CENPU: variants seen among roughly 807,000 people sequenced by gnomAD.
The protein encoded by CENPU is centromere protein U.
CENPU carries 46 observed loss-of-function variants against 56.7 expected under a neutral mutation model. The observed-to-expected ratio is 0.81, with a 90% CI of 0.64 to 1.04. The LOEUF (loss-of-function observed/expected upper bound fraction) is 1.04, where lower values mean the gene tolerates loss of function less well. Ranked by LOEUF, CENPU falls within the 50% of genes least tolerant of loss-of-function variation. CENPU has a pLI of 0.00. For synonymous variants in CENPU, 166 were observed against 163.0 expected (o/e 1.02, Z -0.14); for missense variants, 510 against 490.1 (o/e 1.04, Z -0.38).
rs1426310127 is a variant in CENPU, at chr4:184,694,793, A to T, written c.*495T>A. ...TTACAAGAGTAACTAATTCACTATGAACACTTTTGTCACCAGGCTATAATT... is the reference window on the plus strand; with the variant it reads ...TTACAAGAGTAACTAATTCACTATGTACACTTTTGTCACCAGGCTATAATT... On this transcript the variant is annotated 3_prime_UTR_variant, in exon 13 of 13. Coordinates refer to ENST00000281453, the MANE Select transcript of CENPU (RefSeq NM_024629.4). The T allele has an allele frequency of 1.6e-5, 25 of 1,593,106 alleles. No homozygotes were observed. Among genetic ancestry groups the T allele is most frequent in the Non-Finnish European group, 2.1e-5 (25 of 1,162,810 alleles).
chr4:184,715,941 T>TGA (rs1450747545), intron 6 of CENPU, among the ~76,000 whole-genome samples: 6,339 of 151,274 alleles, frequency 0.042, 437 homozygotes, highest in African/African-American at 0.14. Flanking sequence ...TTTTTTGTTT[T>TGA]TTTTTTTTTA....
At position 184,710,086 on chromosome 4, in the gene CENPU, G is replaced by A. The variant is rs2150211586; in HGVS notation, c.783C>T (p.Thr261=). ...LNIVLPEFEK[T]HLEHQQRIES... is the part of the protein sequence containing the mutation. Reference sequence around the variant, plus strand: ...AAAAGACTTACTGATGCTCTAGGTGGGTTTTCTCAAATTCAGGCAAAACAA... The same window carrying A: ...AAAAGACTTACTGATGCTCTAGGTGAGTTTTCTCAAATTCAGGCAAAACAA... The change falls in exon 8 of 13, where the codon ACC becomes ACT. Residue 261 remains threonine (T), a synonymous_variant. Coordinates refer to ENST00000281453, the MANE Select transcript of CENPU (RefSeq NM_024629.4). 6.2e-7 allele frequency: 1 copy of A among 1,603,624 alleles called. No individual in the cohort carries two copies. The highest frequency in any genetic ancestry group is 8.5e-7 in the Non-Finnish European group (1 of 1,171,784).
At chr4:184,700,326 C>G (rs1248282766) in intron 11 of CENPU, among the ~76,000 whole-genome samples, 1 of 152,224 alleles carries the variant, frequency 6.6e-6, no homozygotes, top group Non-Finnish European at 1.5e-5. Context: ...TTACACAGCA[C>G]TTACTGTGTG....
At chr4:184,724,012 C>A (rs1761370573) in intron 4 of CENPU, among the ~76,000 whole-genome samples, 2 of 152,038 alleles carry the variant, frequency 1.3e-5, no homozygotes, top group South Asian at 4.1e-4. Flanking sequence ...CGCCTGTAAT[C>A]CCAGCACTTT....
intron 8 of CENPU, among the ~76,000 whole-genome samples, chr4:184,704,450 GTACTAGGCTTACACC>G (rs1760654782): frequency 6.6e-6 from 1 of 151,858 alleles, no homozygotes; most frequent in East Asian, 1.9e-4. Context: ...GCCGCGGCAT[GTACTAGGCTTACACC>G]TAAGCCTAGT....
At chr4:184,729,301 T>A (rs754152479) in intron 2 of CENPU, among the ~76,000 whole-genome samples, 1 of 152,200 alleles carries the variant, frequency 6.6e-6, no homozygotes, top group African/African-American at 2.4e-5. Context: ...TTTGGGGACA[T>A]AGAATTTTTT....
intron 1 of CENPU, chr4:184,733,424 T>C (rs866826974): frequency 1.0e-6 from 1 of 993,112 alleles, no homozygotes; most frequent in Non-Finnish European, 1.2e-6. Context: ...GGCCGGGCCT[T>C]GGATGGCCAT....
At chr4:184,706,581 T>A (rs530155037) in intron 8 of CENPU, among the ~76,000 whole-genome samples, 2 of 152,356 alleles carry the variant, frequency 1.3e-5, no homozygotes, top group Admixed American at 6.5e-5. Flanking sequence ...ATACATAAAC[T>A]GCTTATCATC....
intron 9 of CENPU, 72 bp from the exon 10 acceptor site, chr4:184,702,208 C>T (rs1008614142): frequency 9.9e-6 from 13 of 1,316,624 alleles, no homozygotes; most frequent in African/African-American, 1.5e-5. Flanking sequence ...ACATGTGTCA[C>T]ATTTAGTTTA....
chr4:184,712,869 C>A, intron 7 of CENPU, 75 bp downstream of exon 7: 11 of 1,034,648 alleles, frequency 1.1e-5, no homozygotes, highest in Non-Finnish European at 1.6e-5. Flanking sequence ...ACTACTATAA[C>A]AAATTAAGAA....
intron 12 of CENPU, among the ~76,000 whole-genome samples, chr4:184,696,171 CAT>C (rs1206815957): frequency 3.9e-5 from 6 of 152,184 alleles, no homozygotes; most frequent in African/African-American, 1.4e-4. Flanking sequence ...CTACCACACA[CAT>C]GATAATGGAA....
At chr4:184,731,411 T>C (rs544996797) in intron 1 of CENPU, among the ~76,000 whole-genome samples, 2 of 152,320 alleles carry the variant, frequency 1.3e-5, no homozygotes, top group East Asian at 3.9e-4. Context: ...GAGACAAGCC[T>C]GCATTAAAAT....
At chr4:184,723,059 C>T (rs1393943831) in intron 4 of CENPU, among the ~76,000 whole-genome samples, 1 of 152,082 alleles carries the variant, frequency 6.6e-6, no homozygotes, top group African/African-American at 2.4e-5. Context: ...TGTGAAATGG[C>T]ACTCCCAGTG....
At chr4:184,702,758 G>A (rs1187757761) in intron 8 of CENPU, among the ~76,000 whole-genome samples, 1 of 152,044 alleles carries the variant, frequency 6.6e-6, no homozygotes, top group African/African-American at 2.4e-5. Context: ...AGTGTCTATT[G>A]TTGCCATCTT....
In CENPU at chr4:184,731,458, C is replaced by T. The variant is rs1443774326; in HGVS notation, c.48-490G>A. On this transcript the variant is annotated intron_variant, in intron 1 of 12. Coordinates refer to ENST00000281453, the MANE Select transcript of CENPU (RefSeq NM_024629.4). ...CAAATCCAGGGCCTGCCCTCGACCT[C>T]CCTTGACACTCTCTCAGTTGGACCA... 1.2e-4 allele frequency among the ~76,000 whole-genome samples: 18 copies of T among 152,122 alleles called. 1 individual carries two copies. The highest frequency in any genetic ancestry group is 1.2e-3 in the Admixed American group (18 of 15,270).
At position 184,697,805 on chromosome 4, in the gene CENPU, TA is replaced by T. The variant is rs1277056920; in HGVS notation, c.987-3del. ...AGTTGTTTCAGCTGTGGCTCTAACC[TA>T]AAACAAAAATAAGTGACAAATAATA... On this transcript the variant is annotated splice_polypyrimidine_tract_variant and splice_region_variant and intron_variant, in intron 11 of 12. Coordinates refer to ENST00000281453, the MANE Select transcript of CENPU (RefSeq NM_024629.4). The T allele has an allele frequency of 6.3e-7, 1 of 1,590,012 alleles. No homozygotes were observed. The highest frequency in any genetic ancestry group is 1.4e-5 in the African/African-American group (1 of 73,160).
intron 4 of CENPU, among the ~76,000 whole-genome samples, chr4:184,723,398 T>A (rs1190180960): frequency 2.0e-5 from 3 of 152,224 alleles, no homozygotes; most frequent in African/African-American, 7.2e-5. Context: ...GTAGACATGA[T>A]ATGAAGACTT....
intron 6 of CENPU, among the ~76,000 whole-genome samples, chr4:184,715,362 A>G (rs1761054427): frequency 6.6e-6 from 1 of 152,060 alleles, no homozygotes; most frequent in East Asian, 1.9e-4. Context: ...TCTGTTGCCC[A>G]GTACAGTGGC....
intron 4 of CENPU, among the ~76,000 whole-genome samples, chr4:184,723,376 G>A (rs1243553565): frequency 1.3e-5 from 2 of 152,168 alleles, no homozygotes; most frequent in African/African-American, 2.4e-5. Context: ...GGTTCTAGGA[G>A]CTAGATGGAT....
Sources: allele counts gnomAD v4.1 joint callset (sites outside exome capture counted in the v4.1 genomes callset), GRCh38; gene constraint gnomAD v4.1.1; transcripts MANE v1.5; gene names NCBI Gene and HGNC (gene_info 2026-07-23, HGNC 2026-07-21).